Variants in IGF2R observed in about 807,000 individuals in gnomAD.
IGF2R encodes the protein insulin like growth factor 2 receptor.
Under a neutral mutation model 270.6 loss-of-function variants are expected in IGF2R, and 91 were observed. The observed-to-expected ratio is 0.34, with a 90% CI of 0.28 to 0.40. The LOEUF (loss-of-function observed/expected upper bound fraction) is 0.40, where lower values mean the gene tolerates loss of function less well. Among genes scored for constraint, IGF2R ranks in the 10% least tolerant of loss-of-function variants. IGF2R has a pLI of 1.00. For missense variants in IGF2R, 2,805 were observed against 3,188.3 expected (o/e 0.88, Z 2.90); for synonymous variants, 1,316 against 1,258.9 (o/e 1.05, Z -0.96).
chr6:160,068,156 A>T, intron 29 of IGF2R, 93 bp from the exon 30 acceptor site: 2 of 1,449,752 alleles, frequency 1.4e-6, no homozygotes, highest in East Asian at 4.6e-5. Flanking sequence ...GGCTTAGACT[A>T]TGCCTGAATA....
chr6:160,019,649 A>G (rs1777386333), intron 4 of IGF2R, among the ~76,000 whole-genome samples: 1 of 152,234 alleles, frequency 6.6e-6, no homozygotes, highest in African/African-American at 2.4e-5. Context: ...CAGGGTTGCA[A>G]GGATGGTTCA....
At chr6:160,012,435 A>G (rs995801509) in intron 4 of IGF2R, among the ~76,000 whole-genome samples, 4 of 152,278 alleles carry the variant, frequency 2.6e-5, no homozygotes, top group African/African-American at 7.2e-5. Flanking sequence ...CAGCATCTGC[A>G]TCTGGAGAAG....
intron 6 of IGF2R, among the ~76,000 whole-genome samples, chr6:160,028,680 C>T (rs1378747246): frequency 2.0e-5 from 3 of 152,146 alleles, no homozygotes; most frequent in African/African-American, 4.8e-5. Context: ...GGAAGAGAAC[C>T]CCAGTTCAGT....
rs750400488 is a variant in IGF2R, at chr6:160,076,034, C to T, written c.5316+38C>T. Reference sequence around the variant, plus strand: ...CTGTGACGATCTAGATGCTCAACTGCGGGTTAGTGAGCCAAGGCTAGACAA... The same window carrying T: ...CTGTGACGATCTAGATGCTCAACTGTGGGTTAGTGAGCCAAGGCTAGACAA... On this transcript the variant is annotated intron_variant, in intron 36 of 47. Coordinates refer to ENST00000356956, the MANE Select transcript of IGF2R (RefSeq NM_000876.4). The T allele has an allele frequency of 1.5e-5, 24 of 1,603,672 alleles. No homozygotes were observed. Among genetic ancestry groups the T allele is most frequent in the Admixed American group, 3.3e-5 (2 of 59,880 alleles).
chr6:159,991,348 T>C, intron 2 of IGF2R, 25 bp downstream of exon 2: 1 of 1,599,570 alleles, frequency 6.3e-7, no homozygotes, highest in Non-Finnish European at 8.5e-7. Context: ...CTGAAATTAC[T>C]GGATTGGCAA....
intron 39 of IGF2R, among the ~76,000 whole-genome samples, chr6:160,083,385 T>C (rs1374602253): frequency 3.3e-5 from 5 of 152,176 alleles, no homozygotes; most frequent in African/African-American, 7.2e-5. Context: ...TCGGGTTTTA[T>C]ACCGAGACAT....
At chr6:160,089,399 A>C in intron 43 of IGF2R, 146 bp downstream of exon 43, 1 of 667,204 alleles carries the variant, frequency 1.5e-6, no homozygotes, top group Non-Finnish European at 2.4e-6. Flanking sequence ...CTTTTGCTTA[A>C]ACTGAGGAAA....
chr6:159,987,670 A>C (rs1406431240), intron 1 of IGF2R, among the ~76,000 whole-genome samples: 1 of 152,224 alleles, frequency 6.6e-6, no homozygotes. Flanking sequence ...GATTACAGGC[A>C]TGAGGCACCA....
intron 9 of IGF2R, among the ~76,000 whole-genome samples, chr6:160,034,119 C>T (rs903421674): frequency 6.6e-6 from 1 of 152,150 alleles, no homozygotes; most frequent in African/African-American, 2.4e-5. Flanking sequence ...AATTCTTGGG[C>T]GTTATTTATT....
rs1779049943 is a variant in IGF2R, at chr6:160,084,222, T to A, written c.6068+38T>A. The A allele has an allele frequency of 7.9e-7, 1 of 1,258,710 alleles. No individual in the cohort carries two copies. Among genetic ancestry groups the A allele is most frequent in the Non-Finnish European group, 1.2e-6 (1 of 859,204 alleles). The allele number at this position is 1,258,710 out of a possible 1,614,324, so 78.0% of individuals were successfully genotyped here. A position where few individuals can be genotyped will look rare whatever the true frequency, so the allele number is the denominator to read the frequency against. ...CCAGTCCACCCGCGGCGCCACACCC[T>A]CAGCATGTGAACTTCAGACTGCTTG... On this transcript the variant is annotated intron_variant, in intron 40 of 47. Coordinates refer to ENST00000356956, the MANE Select transcript of IGF2R (RefSeq NM_000876.4). This position sits in a 1 kb window ranked among gnomAD's most constrained non-coding sequence, Gnocchi z 4.6.
At chr6:159,997,493 C>T (rs1020018955) in intron 2 of IGF2R, among the ~76,000 whole-genome samples, 6 of 152,098 alleles carry the variant, frequency 3.9e-5, no homozygotes, top group African/African-American at 9.7e-5. Context: ...AATTGCTGCC[C>T]GCACCAGTGT....
intron 47 of IGF2R, among the ~76,000 whole-genome samples, chr6:160,104,085 A>C (rs1371693432): frequency 6.6e-6 from 1 of 152,132 alleles, no homozygotes; most frequent in African/African-American, 2.4e-5. Context: ...TCTTTAAAAA[A>C]AAAACAAAAC....
At chr6:160,044,173 A>G (rs942506160) in intron 12 of IGF2R, among the ~76,000 whole-genome samples, 5 of 152,212 alleles carry the variant, frequency 3.3e-5, no homozygotes, top group African/African-American at 1.2e-4. Flanking sequence ...AGTAGGGGAC[A>G]ATGTCAGTTT....
chr6:159,987,317 C>T (rs1198718349), intron 1 of IGF2R, among the ~76,000 whole-genome samples: 1 of 152,094 alleles, frequency 6.6e-6, no homozygotes, highest in East Asian at 1.9e-4. Context: ...TTGGAATATT[C>T]TTCATAAATT....
intron 39 of IGF2R, among the ~76,000 whole-genome samples, chr6:160,080,483 G>A (rs1159018501): frequency 2.0e-5 from 3 of 152,222 alleles, no homozygotes; most frequent in Non-Finnish European, 4.4e-5. Context: ...CCGTGGTAGA[G>A]CTGCCGTGAG....
intron 10 of IGF2R, among the ~76,000 whole-genome samples, chr6:160,038,798 C>T (rs1206407209): frequency 6.6e-6 from 1 of 151,422 alleles, no homozygotes; most frequent in Non-Finnish European, 1.5e-5. Context: ...CCAAACCAAA[C>T]CAGCCAACCA....
At chr6:160,095,821 G>A (rs1215183387) in intron 44 of IGF2R, 1 of 152,458 alleles carries the variant, frequency 6.6e-6, no homozygotes, top group Non-Finnish European at 1.5e-5. Context: ...TTGCTTGCTT[G>A]TTTCCTTGCT....
At chr6:159,970,617 G>A (rs1284742932) in intron 1 of IGF2R, among the ~76,000 whole-genome samples, 1 of 152,150 alleles carries the variant, frequency 6.6e-6, no homozygotes, top group Non-Finnish European at 1.5e-5. Context: ...GGTGGATGGA[G>A]GGAGAGTTTG....
intron 10 of IGF2R, among the ~76,000 whole-genome samples, chr6:160,036,317 C>A (rs766092702): frequency 6.6e-6 from 1 of 152,172 alleles, no homozygotes; most frequent in Non-Finnish European, 1.5e-5. Flanking sequence ...GCCTCCTTAG[C>A]CATGTCTGCA....
Sources: allele counts gnomAD v4.1 joint callset (sites outside exome capture counted in the v4.1 genomes callset), GRCh38; gene constraint gnomAD v4.1.1; non-coding constraint Gnocchi (gnomAD v3.1); transcripts MANE v1.5; gene names NCBI Gene and HGNC (gene_info 2026-07-23, HGNC 2026-07-21).